Variants in POLI observed in about 807,000 individuals in gnomAD.
The protein encoded by POLI is RAD30 homolog B.
Under a neutral mutation model 51.6 loss-of-function variants are expected in POLI, and 58 were observed. That is an observed-to-expected ratio of 1.12 (90% CI 0.91 to 1.40). The LOEUF is 1.40. Ranked by LOEUF, POLI falls within the 40% of genes most tolerant of loss-of-function variation. The pLI, the probability that POLI is intolerant of heterozygous loss-of-function variation, is 0.00. For missense variants in POLI, 921 were observed against 871.3 expected, an observed-to-expected ratio of 1.06 and a Z score of -0.72; for synonymous variants, 322 against 299.7, an observed-to-expected ratio of 1.07 and a Z score of -0.77.
Position 54,294,808 on chromosome 18 carries a change from A to C in POLI, c.*341A>C. The C allele has an allele frequency of 5.2e-6, 5 of 961,158 alleles. No homozygotes were observed. The highest frequency in any genetic ancestry group is 6.1e-6 in the Non-Finnish European group (5 of 817,418). 59.5% of individuals were successfully genotyped at this position (961,158 alleles called of 1,614,324 possible). A position where few individuals can be genotyped will look rare whatever the true frequency, so the allele number is the denominator to read the frequency against. The stretch of plus-strand genomic sequence containing the variant: ...CCAAATCGTTGCAATGATATGGTAA[A>C]GGACACATTTTTTTTTTTTTTTTCC... On this transcript the variant is annotated 3_prime_UTR_variant, in exon 10 of 10. Transcript: ENST00000579534.
chr18:54,284,051 T>G (rs997245792), intron 7 of POLI, 38 bp downstream of exon 7: 2 of 774,278 alleles, frequency 2.6e-6, no homozygotes, highest in African/African-American at 3.5e-5. Flanking sequence ...ATCCTATGTA[T>G]TCATTCTATA....
chr18:54,321,256 A>G (rs1483565875), exon 5 of POLI: 3 of 152,206 alleles, frequency 2.0e-5, no homozygotes, highest in Admixed American at 2.0e-4. Context: ...AGAATCCACT[A>G]TTTAACCTTA....
intron 3 of POLI, among the ~76,000 whole-genome samples, chr18:54,309,807 G>A (rs1025855335): frequency 6.6e-6 from 1 of 151,994 alleles, no homozygotes; most frequent in African/African-American, 2.4e-5. Context: ...CTCCCCCAGC[G>A]AGGCATGCCA....
In POLI at chr18:54,280,884, T is replaced by C. The variant is rs576237375; in HGVS notation, c.777T>C (p.Asn259=). ...ESCQHLIHSL[N]HIKEIPGIGY... ...GTCAACATCTTATTCATAGTTTGAA[T>C]CACATAAAGGAAATACCTGGTAAGA... Residue 259 remains asparagine (N), a synonymous_variant, in exon 5 of 10, where the codon AAT becomes AAC. Coordinates refer to ENST00000579534, the MANE Select transcript of POLI (RefSeq NM_007195.3). The C allele has an allele frequency of 6.3e-7, 1 of 1,588,448 alleles. No individual in the cohort carries two copies. The highest frequency in any genetic ancestry group is 1.3e-5 in the African/African-American group (1 of 74,518).
intron 3 of POLI, among the ~76,000 whole-genome samples, chr18:54,310,509 G>T (rs1599281056): frequency 6.6e-6 from 1 of 151,194 alleles, no homozygotes; most frequent in East Asian, 1.9e-4. Context: ...TGGGAGAAAG[G>T]TATGCTCTGC....
At chr18:54,277,238 T>G (rs1191319822) in intron 3 of POLI, among the ~76,000 whole-genome samples, 1 of 152,236 alleles carries the variant, frequency 6.6e-6, no homozygotes, top group Non-Finnish European at 1.5e-5. Flanking sequence ...TTCTGTTTTA[T>G]TCAGTAATAA....
chr18:54,301,374 C>A (rs2088487227), downstream of POLI, among the ~76,000 whole-genome samples: 1 of 152,050 alleles, frequency 6.6e-6, no homozygotes, highest in East Asian at 1.9e-4. Flanking sequence ...AAGACCTGAA[C>A]AATTGACATT....
chr18:54,269,752 G>C, intron 1 of POLI, 91 bp downstream of exon 1: 1 of 1,403,484 alleles, frequency 7.1e-7, no homozygotes. Flanking sequence ...CCACTGGGGC[G>C]CGACCGTCCC....
intron 3 of POLI, among the ~76,000 whole-genome samples, chr18:54,318,349 A>T (rs1599287973): frequency 6.6e-6 from 1 of 152,212 alleles, no homozygotes; most frequent in African/African-American, 2.4e-5. Context: ...AAGTGTAAAC[A>T]TGAACCACTG....
chr18:54,320,829 T>C (rs1254861282), intron 4 of POLI, among the ~76,000 whole-genome samples: 1 of 152,050 alleles, frequency 6.6e-6, no homozygotes, highest in African/African-American at 2.4e-5. Context: ...TTTAAACTTA[T>C]TTTGAGATAA....
In POLI at chr18:54,298,064, T is replaced by C; in HGVS notation, c.*3597T>C. ...ATTTATCATGGATTTAGGTTCATTA[T>C]GAATCTGCAGATTTGTGTCTTCCAT... On this transcript the variant is annotated 3_prime_UTR_variant, in exon 10 of 10. Coordinates refer to ENST00000579534, the MANE Select transcript of POLI (RefSeq NM_007195.3). 1.0e-6 allele frequency: 1 copy of C among 971,474 alleles called. No individual in the cohort carries two copies. Among genetic ancestry groups the C allele is most frequent in the Non-Finnish European group, 1.2e-6 (1 of 817,196 alleles). The allele number at this position is 971,474 out of a possible 1,614,324, so 60.2% of individuals were successfully genotyped here.
chr18:54,307,056 A>AT (rs759819288), intron 3 of POLI, among the ~76,000 whole-genome samples: 3 of 152,250 alleles, frequency 2.0e-5, no homozygotes, highest in Admixed American at 1.3e-4. Flanking sequence ...GGATTCATTG[A>AT]TTTTTTGAAG....
At position 54,296,388 on chromosome 18, in the gene POLI, A is replaced by T. The variant is rs1030241085; in HGVS notation, c.*1921A>T. The T allele has an allele frequency of 8.1e-6, 8 of 983,726 alleles. No homozygotes were observed. The highest frequency in any genetic ancestry group is 9.7e-6 in the Non-Finnish European group (8 of 828,358). The allele number at this position is 983,726 out of a possible 1,614,324, so 60.9% of individuals were successfully genotyped here. A position where few individuals can be genotyped will look rare whatever the true frequency, so the allele number is the denominator to read the frequency against. On this transcript the variant is annotated 3_prime_UTR_variant, in exon 10 of 10. Transcript: ENST00000579534. ...GTTAGTCTCAACATCTTTGGGCCTCAGAATCAACTTTTTTATGGGATCTTT... is the reference window on the plus strand; with the variant it reads ...GTTAGTCTCAACATCTTTGGGCCTCTGAATCAACTTTTTTATGGGATCTTT...
rs2088331754 is a variant in POLI at position 54,296,415 on chromosome 18, T to C, written c.*1948T>C. ...AATCAACTTTTTTATGGGATCTTTTTTCTCTGTTTTTAAGATTATCTCTTT... is the reference window on the plus strand; with the variant it reads ...AATCAACTTTTTTATGGGATCTTTTCTCTCTGTTTTTAAGATTATCTCTTT... On this transcript the variant is annotated 3_prime_UTR_variant, in exon 10 of 10. Coordinates refer to ENST00000579534, the MANE Select transcript of POLI (RefSeq NM_007195.3). The C allele has an allele frequency of 1.0e-6, 1 of 957,334 alleles. No individual in the cohort carries two copies. The highest frequency in any genetic ancestry group is 4.8e-5 in the South Asian group (1 of 20,730). The allele number at this position is 957,334 out of a possible 1,614,324, so 59.3% of individuals were successfully genotyped here.
At chr18:54,301,972 A>T (rs2144630675), downstream of POLI, among the ~76,000 whole-genome samples, 1 of 152,270 alleles carries the variant, frequency 6.6e-6, no homozygotes, top group East Asian at 1.9e-4. Context: ...AGATTTCCTT[A>T]TACTGTATAG....
chr18:54,302,975 A>T (rs2088517482), downstream of POLI, among the ~76,000 whole-genome samples: 1 of 152,212 alleles, frequency 6.6e-6, no homozygotes, highest in South Asian at 2.1e-4. Context: ...ACTTCTCCTT[A>T]CCAAGTCCCA....
Position 54,291,850 on chromosome 18 carries a change from A to T in POLI, c.1216A>T (p.Thr406Ser). ...KLGTGNYDVM[T>S]PMVDILMKLF... Reference sequence around the variant, plus strand: ...TTATTTAGGAAATTATGATGTGATGACCCCAATGGTTGATATACTTATGAA... The same window carrying T: ...TTATTTAGGAAATTATGATGTGATGTCCCCAATGGTTGATATACTTATGAA... The change falls in exon 9 of 10, where the codon ACC (threonine) becomes TCC (serine). Residue 406 changes from threonine to serine, a missense_variant. Transcript: ENST00000579534. The T allele has an allele frequency of 6.5e-7, 1 of 1,548,696 alleles. No individual in the cohort carries two copies. Among genetic ancestry groups the T allele is most frequent in the Non-Finnish European group, 8.9e-7 (1 of 1,124,392 alleles).
At chr18:54,280,268 C>T (rs1204053948) in intron 4 of POLI, among the ~76,000 whole-genome samples, 1 of 152,156 alleles carries the variant, frequency 6.6e-6, no homozygotes, top group Admixed American at 6.5e-5. Context: ...TGTTTCCACT[C>T]ATGGTGGAAG....
chr18:54,317,517 G>A (rs1425851368), intron 3 of POLI, among the ~76,000 whole-genome samples: 4 of 152,120 alleles, frequency 2.6e-5, no homozygotes, highest in Admixed American at 1.3e-4. Flanking sequence ...GACGAATTGA[G>A]TCCCAAAATA....
Sources: gnomAD v4.1 joint callset for allele counts (sites outside exome capture counted in the v4.1 genomes callset) on GRCh38, gnomAD v4.1.1 for gene constraint, MANE v1.5 for transcripts, NCBI Gene and HGNC (gene_info 2026-07-23, HGNC 2026-07-21) for gene names.